The following ACSBG1 variants were observed in gnomAD, a reference collection of about 807,000 sequenced individuals.
ACSBG1 encodes acyl-CoA synthetase bubblegum family member 1, also known as long-chain-fatty-acid--CoA ligase ACSBG1.
ACSBG1 carries 39 observed loss-of-function variants against 80.2 expected under a neutral mutation model. That is an observed-to-expected ratio of 0.49 (90% CI 0.38 to 0.64). The LOEUF is 0.64. Ranked by LOEUF, ACSBG1 falls within the 30% of genes least tolerant of loss-of-function variation. The pLI, the probability that ACSBG1 is intolerant of heterozygous loss-of-function variation, is 0.00. For missense variants in ACSBG1, 828 were observed against 966.4 expected, an observed-to-expected ratio of 0.86 and a Z score of 1.90; for synonymous variants, 392 against 379.5, an observed-to-expected ratio of 1.03 and a Z score of -0.38.
intron 1 of ACSBG1, among the ~76,000 whole-genome samples, chr15:78,233,706 G>C (rs532715327): frequency 1.3e-5 from 2 of 152,184 alleles, no homozygotes; most frequent in African/African-American, 4.8e-5. Context: ...GCGTGTGCGC[G>C]TGCGCCTGCC....
intron 1 of ACSBG1, among the ~76,000 whole-genome samples, chr15:78,220,019 C>A (rs1241810592): frequency 2.6e-5 from 4 of 152,046 alleles, no homozygotes; most frequent in African/African-American, 9.7e-5. Context: ...ATTCAAGAGA[C>A]CTAAAATAGT....
chr15:78,225,299 G>A (rs1190270183), intron 1 of ACSBG1, among the ~76,000 whole-genome samples: 2 of 151,914 alleles, frequency 1.3e-5, no homozygotes, highest in Non-Finnish European at 2.9e-5. Flanking sequence ...TGCTTGGGAG[G>A]TTGAGGCAGG....
rs1215141533 is a variant in ACSBG1 at position 78,173,724 on chromosome 15, T to C, written c.1958A>G (p.Lys653Arg). Residue 653 changes from lysine to arginine, a missense_variant, in exon 13 of 14, where the codon AAG (lysine) becomes AGG (arginine). Physicochemically the swap from Lys to Arg is conservative, Grantham distance 26. Transcript: ENST00000258873. ...GATGGCCTGGTACACGGCCTCATCC[T>C]TCTTCTCTATGATCTCGGACACTGT... is the stretch of plus-strand genomic sequence containing the variant. ...ATTVSEIIEKKDEAVYQAIEE... is the reference protein window; with the variant it reads ...ATTVSEIIEKRDEAVYQAIEE... The C allele has an allele frequency of 8.1e-6, 13 of 1,614,220 alleles. No individual in the cohort carries two copies. Among genetic ancestry groups the C allele is most frequent in the Middle Eastern group, 1.6e-4 (1 of 6,062 alleles).
intron 3 of ACSBG1, 44 bp from the exon 4 acceptor site, chr15:78,194,064 T>C: frequency 1.3e-6 from 2 of 1,594,452 alleles, no homozygotes; most frequent in African/African-American, 2.7e-5. Flanking sequence ...GGGCAGGGAC[T>C]GGGACCCTCA....
intron 1 of ACSBG1, among the ~76,000 whole-genome samples, chr15:78,218,314 C>T (rs1016500631): frequency 1.3e-5 from 2 of 152,042 alleles, no homozygotes; most frequent in Non-Finnish European, 2.9e-5. Flanking sequence ...GAGGCTTCTG[C>T]CAGTGGAGGC....
Position 78,211,592 on chromosome 15 carries a change from C to T in ACSBG1, c.132-3490G>A, listed in dbSNP as rs139626713. Among the ~76,000 whole-genome samples, 314 of 152,354 alleles carry T rather than the reference C, an allele frequency of 2.1e-3. 3 individuals are homozygous for T. The East Asian group carries it at 0.053, about 26-fold the overall frequency. On this transcript the variant is annotated intron_variant, in intron 1 of 13. Coordinates refer to ENST00000258873, the MANE Select transcript of ACSBG1 (RefSeq NM_015162.5). ...TTCACAGAAAACAAAAACACTTTAT[C>T]AGCAGCTACCCAGCAGCATGGGAAC...
intron 11 of ACSBG1, chr15:78,174,803 C>T (rs2141319939): frequency 2.1e-6 from 1 of 476,396 alleles, no homozygotes; most frequent in Non-Finnish European, 3.8e-6. Flanking sequence ...CCCCCTTCTG[C>T]CAGTCCCAGT....
At chr15:78,174,567 G>A (rs2074863854) in intron 11 of ACSBG1, 43 bp from the exon 12 acceptor site, 8 of 1,589,688 alleles carry the variant, frequency 5.0e-6, no homozygotes, top group Non-Finnish European at 6.0e-6. Flanking sequence ...ATGTAGTCCA[G>A]GTGCCCCAGC....
intron 5 of ACSBG1, among the ~76,000 whole-genome samples, chr15:78,189,087 C>T (rs1166311651): frequency 1.3e-5 from 2 of 151,940 alleles, no homozygotes; most frequent in Admixed American, 6.5e-5. Context: ...CCATCACTGG[C>T]CATCAGAGAA....
intron 5 of ACSBG1, among the ~76,000 whole-genome samples, chr15:78,189,637 A>G (rs1209071628): frequency 1.3e-5 from 2 of 151,118 alleles, no homozygotes; most frequent in African/African-American, 4.9e-5. Flanking sequence ...ACACATGGAC[A>G]CAGGAAGGGG....
chr15:78,187,265 T>C (rs545393043), intron 5 of ACSBG1, among the ~76,000 whole-genome samples: 19 of 152,344 alleles, frequency 1.2e-4, no homozygotes, highest in African/African-American at 2.9e-4. Context: ...GCTGATACCA[T>C]TCCTTCTGAA....
chr15:78,175,602 G>A (rs1035716338), intron 11 of ACSBG1, among the ~76,000 whole-genome samples: 1 of 152,242 alleles, frequency 6.6e-6, no homozygotes, highest in Non-Finnish European at 1.5e-5. Context: ...GACAGAGGCT[G>A]GAGAGGAGCA....
chr15:78,204,622 T>C (rs867672006), intron 2 of ACSBG1, among the ~76,000 whole-genome samples: 19 of 152,332 alleles, frequency 1.2e-4, no homozygotes, highest in African/African-American at 4.1e-4. Flanking sequence ...ATTACCTGTT[T>C]CCATATCATG....
chr15:78,202,018 G>A (rs1166742978), intron 2 of ACSBG1, among the ~76,000 whole-genome samples: 1 of 152,144 alleles, frequency 6.6e-6, no homozygotes, highest in Non-Finnish European at 1.5e-5. Context: ...CAGGATGGCT[G>A]AGCTGAGACA....
At chr15:78,214,502 C>T (rs922757107) in intron 1 of ACSBG1, among the ~76,000 whole-genome samples, 2 of 152,094 alleles carry the variant, frequency 1.3e-5, no homozygotes, top group Non-Finnish European at 2.9e-5. Flanking sequence ...TGCAGTGGCC[C>T]GATTTTGGCT....
intron 3 of ACSBG1, 47 bp downstream of exon 3, chr15:78,194,459 G>A: frequency 1.3e-6 from 2 of 1,576,216 alleles, no homozygotes; most frequent in Non-Finnish European, 1.7e-6. Context: ...AGAGCTGGGA[G>A]GCACATCTGG....
intron 8 of ACSBG1, 107 bp downstream of exon 8, chr15:78,181,862 A>C: frequency 2.9e-6 from 4 of 1,387,132 alleles, no homozygotes; most frequent in Admixed American, 2.1e-5. Flanking sequence ...TCTGACTGAT[A>C]CATGCACAGG....
At chr15:78,215,724 G>GAA (rs942679171) in intron 1 of ACSBG1, among the ~76,000 whole-genome samples, 6 of 116,642 alleles carry the variant, frequency 5.1e-5, no homozygotes, top group East Asian at 5.0e-4. Flanking sequence ...AAGAAAGAAA[G>GAA]AGAAAGAAAG....
intron 11 of ACSBG1, among the ~76,000 whole-genome samples, chr15:78,176,705 G>C (rs1315814891): frequency 6.6e-6 from 1 of 152,130 alleles, no homozygotes; most frequent in Non-Finnish European, 1.5e-5. Context: ...CAGGAGGATG[G>C]CTTGAGCTCA....
Sources: allele counts gnomAD v4.1 joint callset (sites outside exome capture counted in the v4.1 genomes callset), GRCh38; gene constraint gnomAD v4.1.1; transcripts MANE v1.5; gene names NCBI Gene and HGNC (gene_info 2026-07-23, HGNC 2026-07-21).